Variants in SPECC1L observed in about 807,000 individuals in gnomAD.
The protein encoded by SPECC1L is sperm antigen with calponin homology and coiled-coil domains 1 like.
A neutral mutation model predicts 116.8 loss-of-function variants in SPECC1L; 40 were observed. That is an observed-to-expected ratio of 0.34 (90% CI 0.27 to 0.45). The LOEUF (loss-of-function observed/expected upper bound fraction) is 0.45, where lower values mean the gene tolerates loss of function less well. Ranked by LOEUF, SPECC1L falls within the 20% of genes least tolerant of loss-of-function variation. SPECC1L has a pLI of 1.00. For missense variants in SPECC1L, 1,110 were observed against 1,373.6 expected (o/e 0.81, Z 3.03); for synonymous variants, 504 against 500.6 (o/e 1.01, Z -0.09).
chr22:24,317,371 T>C (rs1297302094), intron 4 of SPECC1L, among the ~76,000 whole-genome samples: 1 of 103,974 alleles, frequency 9.6e-6, no homozygotes, highest in Admixed American at 1.0e-4. Flanking sequence ...GGCTCCTCAC[T>C]TCCCAGTAGG....
At chr22:24,278,285 C>T (rs1221282661) in intron 2 of SPECC1L, among the ~76,000 whole-genome samples, 1 of 152,146 alleles carries the variant, frequency 6.6e-6, no homozygotes, top group African/African-American at 2.4e-5. Flanking sequence ...TCCCTGAGCC[C>T]AGAAGTTTGA....
At chr22:24,394,239 T>C (rs976663012) in intron 14 of SPECC1L, among the ~76,000 whole-genome samples, 3 of 152,224 alleles carry the variant, frequency 2.0e-5, no homozygotes, top group African/African-American at 7.2e-5. Flanking sequence ...AGAAATTTAT[T>C]TCTCACAGGC....
rs62233985 is a variant in SPECC1L, at chr22:24,386,502, A to G, written c.3087+17182A>G. Among the ~76,000 whole-genome samples, 1,122 of 152,284 alleles carry G rather than the reference A, an allele frequency of 7.4e-3. 6 individuals carry two copies. Among genetic ancestry groups the G allele is most frequent in the South Asian group, 0.013 (61 of 4,824 alleles). ...GAAAGAAATAAAATTGTTTCCAGAC[A>G]TGAGTATGATGTAGGAAATACTAAC... On this transcript the variant is annotated intron_variant, in intron 14 of 16. Transcript: ENST00000314328.
At chr22:24,339,480 G>A (rs747801320) in intron 10 of SPECC1L, among the ~76,000 whole-genome samples, 2 of 152,214 alleles carry the variant, frequency 1.3e-5, no homozygotes, top group South Asian at 2.1e-4. Context: ...GATGAGAAGC[G>A]GGGCAGAGGG....
At chr22:24,299,404 T>G (rs2049330886) in intron 2 of SPECC1L, among the ~76,000 whole-genome samples, 1 of 152,058 alleles carries the variant, frequency 6.6e-6, no homozygotes, top group African/African-American at 2.4e-5. Context: ...ACCACTGCAC[T>G]CCAGCATGGG....
At chr22:24,304,795 C>T (rs1429233091) in intron 3 of SPECC1L, among the ~76,000 whole-genome samples, 1 of 152,146 alleles carries the variant, frequency 6.6e-6, no homozygotes, top group Non-Finnish European at 1.5e-5. Context: ...AACAATCCTC[C>T]TCGGAAACTT....
At chr22:24,394,171 C>G (rs2042323776) in intron 14 of SPECC1L, among the ~76,000 whole-genome samples, 1 of 152,170 alleles carries the variant, frequency 6.6e-6, no homozygotes, top group Non-Finnish European at 1.5e-5. Context: ...CATATGGTGT[C>G]TTAGTCAGTT....
chr22:24,317,263 T>G (rs1204655461), intron 4 of SPECC1L, among the ~76,000 whole-genome samples: 3 of 92,556 alleles, frequency 3.2e-5, no homozygotes, highest in South Asian at 7.3e-4. Flanking sequence ...GGCGGGGGGC[T>G]GACCCCCCCC....
intron 14 of SPECC1L, among the ~76,000 whole-genome samples, chr22:24,384,805 G>A (rs1216729081): frequency 6.6e-6 from 1 of 152,078 alleles, no homozygotes; most frequent in Non-Finnish European, 1.5e-5. Context: ...GGCCGGGTGC[G>A]GTGGCTCACG....
intron 11 of SPECC1L, among the ~76,000 whole-genome samples, chr22:24,356,839 C>T (rs2041542690): frequency 6.6e-6 from 1 of 151,978 alleles, no homozygotes; most frequent in Non-Finnish European, 1.5e-5. Context: ...TCAGTGGTTG[C>T]CTTAGGTTAG....
At position 24,415,034 on chromosome 22, in the gene SPECC1L, C is replaced by G. The variant is rs1046158709; in HGVS notation, c.*411C>G. On this transcript the variant is annotated 3_prime_UTR_variant, in exon 17 of 17. Coordinates refer to ENST00000314328, the MANE Select transcript of SPECC1L (RefSeq NM_015330.6). The stretch of plus-strand genomic sequence containing the variant: ...AAGGCTCGGCCGCGGCACTTCCTGA[C>G]TATTGGCTGGGGTGGGTTCCGGTGC... 4 of 255,860 alleles carry G rather than the reference C, an allele frequency of 1.6e-5. No homozygotes were observed. Among genetic ancestry groups the G allele is most frequent in the Non-Finnish European group, 3.1e-5 (4 of 127,604 alleles). 15.8% of individuals were successfully genotyped at this position (255,860 alleles called of 1,614,324 possible).
At chr22:24,309,151 A>T (rs1291062205) in intron 3 of SPECC1L, among the ~76,000 whole-genome samples, 3 of 152,132 alleles carry the variant, frequency 2.0e-5, no homozygotes, top group Non-Finnish European at 4.4e-5. Context: ...ACACACACAC[A>T]CGCACATATC....
chr22:24,288,300 AG>A (rs1309246367), intron 2 of SPECC1L, among the ~76,000 whole-genome samples: 1 of 152,094 alleles, frequency 6.6e-6, no homozygotes, highest in Non-Finnish European at 1.5e-5. Context: ...GGAGTTTACT[AG>A]GATTCCTGGC....
In SPECC1L at chr22:24,365,461, G is replaced by T. The variant is rs2041741754; in HGVS notation, c.2828-15G>T. On this transcript the variant is annotated splice_polypyrimidine_tract_variant and intron_variant, in intron 12 of 16. Transcript: ENST00000314328. ...ATGTTTTTGCTATAGAGTGCATAATGACTATTTCTCACAGTGTCTCGACGA... is the reference window on the plus strand; with the variant it reads ...ATGTTTTTGCTATAGAGTGCATAATTACTATTTCTCACAGTGTCTCGACGA... 6.2e-7 allele frequency: 1 copy of T among 1,613,388 alleles called. No individual in the cohort carries two copies. The highest frequency in any genetic ancestry group is 1.1e-5 in the South Asian group (1 of 91,072).
chr22:24,347,029 A>T, intron 10 of SPECC1L, 57 bp from the exon 11 acceptor site: 2 of 1,327,822 alleles, frequency 1.5e-6, no homozygotes, highest in Non-Finnish European at 2.2e-6. Flanking sequence ...TGCGGCATTT[A>T]CTTTGTGAGT....
chr22:24,382,067 T>A (rs948288432), intron 14 of SPECC1L, among the ~76,000 whole-genome samples: 5 of 152,180 alleles, frequency 3.3e-5, no homozygotes, highest in African/African-American at 7.2e-5. Context: ...TTGTTTATGG[T>A]TATAAAAGAA....
intron 2 of SPECC1L, among the ~76,000 whole-genome samples, chr22:24,295,858 G>T (rs187040369): frequency 6.6e-6 from 1 of 152,156 alleles, no homozygotes; most frequent in Non-Finnish European, 1.5e-5. Flanking sequence ...TGAGGGAGGA[G>T]AATCACTTGA....
intron 8 of SPECC1L, among the ~76,000 whole-genome samples, chr22:24,331,876 T>C (rs1464479130): frequency 1.3e-5 from 2 of 152,194 alleles, no homozygotes; most frequent in East Asian, 1.9e-4. Flanking sequence ...TGGTAAAACA[T>C]TAAATTATTA....
At chr22:24,365,427 C>T in intron 12 of SPECC1L, 49 bp from the exon 13 acceptor site, 2 of 1,581,306 alleles carry the variant, frequency 1.3e-6, no homozygotes, top group Non-Finnish European at 1.7e-6. Context: ...CTCAAGAACT[C>T]AGTCTAAAAT....
Sources: gnomAD v4.1 joint callset for allele counts (sites outside exome capture counted in the v4.1 genomes callset) on GRCh38, gnomAD v4.1.1 for gene constraint, MANE v1.5 for transcripts, NCBI Gene and HGNC (gene_info 2026-07-23, HGNC 2026-07-21) for gene names.